Variants in MAP4K3 observed in about 807,000 individuals in gnomAD.
MAP4K3 encodes MAPK/ERK kinase kinase kinase 3.
A neutral mutation model predicts 143.5 loss-of-function variants in MAP4K3; 94 were observed. That is an observed-to-expected ratio of 0.65 (90% CI 0.55 to 0.78). MAP4K3 has a LOEUF of 0.78. Ranked by LOEUF, MAP4K3 falls within the 30% of genes least tolerant of loss-of-function variation. The pLI is 0.00. For missense variants in MAP4K3, 1,077 were observed against 1,068.1 expected (o/e 1.01, Z -0.12); for synonymous variants, 416 against 347.2 (o/e 1.20, Z -2.20).
At position 39,309,109 on chromosome 2, in the gene MAP4K3, C is replaced by T. The variant is rs78025196; in HGVS notation, c.1056+352G>A. On this transcript the variant is annotated intron_variant, in intron 14 of 33. Coordinates refer to ENST00000263881, the MANE Select transcript of MAP4K3 (RefSeq NM_003618.4). Reference sequence around the variant, plus strand: ...GAATTACTTACCTTTTTGTTTCCCACGATTTTAAAAAAAATTTTATTTTAT... The same window carrying T: ...GAATTACTTACCTTTTTGTTTCCCATGATTTTAAAAAAAATTTTATTTTAT... Among the ~76,000 whole-genome samples the T allele has an allele frequency of 2.5e-3, 382 of 150,338 alleles. 11 individuals carry two copies. In the East Asian group the frequency reaches 0.046, roughly 18 times the overall value.
At chr2:39,406,195 C>CA (rs200397866) in intron 1 of MAP4K3, among the ~76,000 whole-genome samples, 1,652 of 150,958 alleles carry the variant, frequency 0.011, 113 homozygotes, top group Admixed American at 0.097. Flanking sequence ...ACAGAGGAGA[C>CA]AAAAAAAGAA....
intron 1 of MAP4K3, among the ~76,000 whole-genome samples, chr2:39,396,606 T>C (rs2148602382): frequency 1.3e-5 from 2 of 151,716 alleles, no homozygotes; most frequent in South Asian, 4.2e-4. Context: ...CCCAAGTAGC[T>C]GGGACTACAG....
intron 32 of MAP4K3, among the ~76,000 whole-genome samples, 178 bp downstream of exon 32, chr2:39,254,272 G>A (rs184634307): frequency 6.6e-6 from 1 of 152,188 alleles, no homozygotes; most frequent in Non-Finnish European, 1.5e-5. Context: ...TGTTTGAGTA[G>A]TGGAGAGAGA....
At chr2:39,421,835 T>G (rs907912854) in intron 1 of MAP4K3, among the ~76,000 whole-genome samples, 1 of 152,108 alleles carries the variant, frequency 6.6e-6, no homozygotes, top group Non-Finnish European at 1.5e-5. Flanking sequence ...TCAACTACAG[T>G]GCCCTTCCAC....
At chr2:39,412,209 G>T (rs1395891196) in intron 1 of MAP4K3, among the ~76,000 whole-genome samples, 2 of 152,196 alleles carry the variant, frequency 1.3e-5, no homozygotes, top group Non-Finnish European at 2.9e-5. Flanking sequence ...CAGCTAGCGC[G>T]GGTCAGGGCC....
At chr2:39,328,935 G>C (rs2148518731) in intron 8 of MAP4K3, among the ~76,000 whole-genome samples, 1 of 152,308 alleles carries the variant, frequency 6.6e-6, no homozygotes, top group South Asian at 2.1e-4. Flanking sequence ...ATTTCAAGCA[G>C]ACTTTTTCGA....
intron 21 of MAP4K3, among the ~76,000 whole-genome samples, chr2:39,285,718 C>G (rs574845732): frequency 7.9e-5 from 12 of 152,188 alleles, no homozygotes; most frequent in African/African-American, 2.9e-4. Context: ...GACAAACATA[C>G]CGAATATACT....
chr2:39,272,505 T>C lies in MAP4K3; in HGVS notation c.1832A>G (p.Asn611Ser). 6.2e-7 allele frequency: 1 copy of C among 1,613,556 alleles called. No homozygotes were observed. Among genetic ancestry groups the C allele is most frequent in the Non-Finnish European group, 8.5e-7 (1 of 1,179,656 alleles). The change falls in exon 25 of 34, where the codon AAC becomes AGC. Residue 611 changes from asparagine (N) to serine (S), a missense_variant. Transcript: ENST00000263881. ...ACCAGATATTGATAGCAAGCAATTGTTCATTACATACAACCATGTACACCT... is the reference window on the plus strand; with the variant it reads ...ACCAGATATTGATAGCAAGCAATTGCTCATTACATACAACCATGTACACCT... ...PRRCTWLYVM[N>S]NCLLSISGKA...
At chr2:39,292,333 AG>A (rs1036531736) in intron 18 of MAP4K3, among the ~76,000 whole-genome samples, 4 of 152,212 alleles carry the variant, frequency 2.6e-5, no homozygotes, top group Non-Finnish European at 5.9e-5. Context: ...ATGGGTTTTT[AG>A]GAAGTAATTA....
chr2:39,250,575 G>C lies in MAP4K3; in HGVS notation c.*43C>G. 1 of 1,537,976 alleles carries C rather than the reference G, an allele frequency of 6.5e-7. No homozygotes were observed. Among genetic ancestry groups the C allele is most frequent in the South Asian group, 1.1e-5 (1 of 88,794 alleles). On this transcript the variant is annotated 3_prime_UTR_variant, in exon 34 of 34. Transcript: ENST00000263881. ...AGCATCCATTAATGTTGCAGTGGTA[G>C]TGTTCTTTCTTTCTAGAGTTAACTG... is the stretch of plus-strand genomic sequence containing the variant.
chr2:39,381,592 T>C (rs6735827), intron 1 of MAP4K3, among the ~76,000 whole-genome samples: 121,301 of 152,066 alleles, frequency 0.8, 53,619 homozygotes, highest in Non-Finnish European at 0.98. Context: ...GATTTTTTTT[T>C]CTAAGATTTC....
In MAP4K3 at chr2:39,276,061, C is replaced by T. The variant is rs183217354; in HGVS notation, c.1794+2346G>A. On this transcript the variant is annotated intron_variant, in intron 24 of 33. Transcript: ENST00000263881. ...CTAATTTTTGTATTTTTAATAGGGACGGGGTTTCACCTTATTTGTTAGGCT... is the reference window on the plus strand; with the variant it reads ...CTAATTTTTGTATTTTTAATAGGGATGGGGTTTCACCTTATTTGTTAGGCT... 3.4e-4 allele frequency among the ~76,000 whole-genome samples: 51 copies of T among 152,076 alleles called. 1 individual carries two copies. Among genetic ancestry groups the T allele is most frequent in the Admixed American group, 6.5e-4 (10 of 15,280 alleles).
chr2:39,328,073 G>A (rs528331405), intron 8 of MAP4K3, among the ~76,000 whole-genome samples: 1 of 152,360 alleles, frequency 6.6e-6, no homozygotes, highest in Non-Finnish European at 1.5e-5. Flanking sequence ...GCTCACGCCT[G>A]TAATCCTAGC....
In MAP4K3 at chr2:39,250,081, AATG is replaced by A. The variant is rs200799763; in HGVS notation, c.*534_*536del. On this transcript the variant is annotated 3_prime_UTR_variant, in exon 34 of 34. Coordinates refer to ENST00000263881, the MANE Select transcript of MAP4K3 (RefSeq NM_003618.4). ...TGCATTAAAATTAAAAAGATTATAA[AATG>A]ATTACAGCCTCCATTACAATTTTAA... The A allele has an allele frequency of 0.015, 2,234 of 152,724 alleles. 16 individuals are homozygous for A. The highest frequency in any genetic ancestry group is 0.023 in the Non-Finnish European group (1,563 of 68,016). The allele number at this position is 152,724 out of a possible 1,614,324, so 9.5% of individuals were successfully genotyped here. A position where few individuals can be genotyped will look rare whatever the true frequency, so the allele number is the denominator to read the frequency against.
chr2:39,416,849 C>A (rs948943630), intron 1 of MAP4K3, among the ~76,000 whole-genome samples: 3 of 152,186 alleles, frequency 2.0e-5, no homozygotes, highest in African/African-American at 7.2e-5. Context: ...TGGAGGCAAA[C>A]TGGGTTCAAC....
At chr2:39,299,565 A>G (rs1039189473) in intron 16 of MAP4K3, among the ~76,000 whole-genome samples, 178 bp downstream of exon 16, 1 of 152,186 alleles carries the variant, frequency 6.6e-6, no homozygotes. Flanking sequence ...GATGCTTCCC[A>G]TTAGGACAAC....
intron 1 of MAP4K3, among the ~76,000 whole-genome samples, chr2:39,425,008 AT>A (rs1372243710): frequency 2.6e-5 from 4 of 152,118 alleles, no homozygotes; most frequent in African/African-American, 9.7e-5. Flanking sequence ...AAACTGAGAA[AT>A]TAAAATAAAA....
intron 1 of MAP4K3, among the ~76,000 whole-genome samples, chr2:39,426,988 T>C (rs939539926): frequency 1.3e-5 from 2 of 152,010 alleles, no homozygotes; most frequent in African/African-American, 4.8e-5. Flanking sequence ...AGAAAAACAG[T>C]AAATATTTTT....
At chr2:39,333,961 T>TGTGTGTG (rs1683773450) in intron 6 of MAP4K3, among the ~76,000 whole-genome samples, 209 of 144,138 alleles carry the variant, frequency 1.4e-3, no homozygotes, top group African/African-American at 4.5e-3. Flanking sequence ...TTTCCCATTT[T>TGTGTGTG]TGTGTGTGTG....
Sources: gnomAD v4.1 joint callset for allele counts (sites outside exome capture counted in the v4.1 genomes callset) on GRCh38, gnomAD v4.1.1 for gene constraint, MANE v1.5 for transcripts, NCBI Gene and HGNC (gene_info 2026-07-23, HGNC 2026-07-21) for gene names.